The following GSTA3 variants were observed in gnomAD, a reference collection of about 807,000 sequenced individuals.
The protein encoded by GSTA3 is glutathione S-transferase A3.
Under a neutral mutation model 23.1 loss-of-function variants are expected in GSTA3, and 16 were observed. The ratio of observed to expected loss-of-function variants is 0.69; its 90% CI spans 0.47 to 1.05. The LOEUF is 1.05. Ranked by LOEUF, GSTA3 falls within the 50% of genes least tolerant of loss-of-function variation. The pLI is 0.00. For missense variants in GSTA3, 319 were observed against 263.6 expected, an observed-to-expected ratio of 1.21 and a Z score of -1.46; for synonymous variants, 122 against 91.0, an observed-to-expected ratio of 1.34 and a Z score of -1.94.
chr6:52,902,089 C>T (rs1765705774), intron 4 of GSTA3, among the ~76,000 whole-genome samples: 1 of 152,198 alleles, frequency 6.6e-6, no homozygotes, highest in Non-Finnish European at 1.5e-5. Context: ...GTTCATGGTT[C>T]ATCAGTGTTT....
intron 3 of GSTA3, 87 bp from the exon 4 acceptor site, chr6:52,902,565 G>C: frequency 7.5e-7 from 1 of 1,327,864 alleles, no homozygotes; most frequent in South Asian, 1.4e-5. Flanking sequence ...AATGACTGAG[G>C]TTATAAAATG....
At chr6:52,905,680 T>C (rs1765866625) in intron 2 of GSTA3, 68 bp downstream of exon 2, 1 of 919,216 alleles carries the variant, frequency 1.1e-6, no homozygotes, top group Non-Finnish European at 1.8e-6. Context: ...TGGAAGTCTC[T>C]TGGCTTACTA....
Position 52,902,348 on chromosome 6 carries a change from G to C in GSTA3, c.270C>G (p.Ala90=). 6.2e-7 allele frequency: 1 copy of C among 1,613,662 alleles called. No homozygotes were observed. The highest frequency in any genetic ancestry group is 8.5e-7 in the Non-Finnish European group (1 of 1,179,738). Residue 90 remains alanine (A), a splice_region_variant and synonymous_variant, in exon 4 of 7, where the codon GCC becomes GCG. Coordinates refer to ENST00000211122, the MANE Select transcript of GSTA3 (RefSeq NM_000847.5). ...GAAGAACACAAAATATACCGTACAG[G>C]GCTCTCTCCTTTATGTCTTTCCCGT... ...NLYGKDIKER[A]LIDMYTEGMA...
chr6:52,909,294 A>G (rs1765991884), intron 1 of GSTA3, among the ~76,000 whole-genome samples: 1 of 152,220 alleles, frequency 6.6e-6, no homozygotes, highest in Admixed American at 6.5e-5. Flanking sequence ...AATCACAGGA[A>G]TGAATCACAC....
rs143163780 is a variant in GSTA3 at position 52,896,897 on chromosome 6, G to T, written c.578C>A (p.Thr193Lys). 6.2e-7 allele frequency: 1 copy of T among 1,613,952 alleles called. No individual in the cohort carries two copies. The highest frequency in any genetic ancestry group is 2.2e-5 in the East Asian group (1 of 44,882). Reference protein sequence around the residue: ...ALKTRISNLPTVKKFLQPGSP... With the variant: ...ALKTRISNLPKVKKFLQPGSP... ...GCCAGGCTGTAGAAACTTCTTCACCGTGGGCAGGTTGCTGATTCTGGTTTT... is the reference window on the plus strand; with the variant it reads ...GCCAGGCTGTAGAAACTTCTTCACCTTGGGCAGGTTGCTGATTCTGGTTTT... Residue 193 changes from threonine to lysine, a missense_variant, in exon 7 of 7, where the codon ACG becomes AAG. Physicochemically the swap from Thr to Lys is moderately conservative, Grantham distance 78 (BLOSUM62 -1). Transcript: ENST00000211122.
At chr6:52,909,504 T>C (rs1329959978) in intron 1 of GSTA3, 137 bp downstream of exon 1, 1 of 152,196 alleles carries the variant, frequency 6.6e-6, no homozygotes, top group Non-Finnish European at 1.5e-5. Context: ...TAACAAACAA[T>C]GCTTAAATTG....
chr6:52,902,561 T>A (rs934952257), intron 3 of GSTA3, 83 bp from the exon 4 acceptor site: 3 of 1,357,852 alleles, frequency 2.2e-6, no homozygotes, highest in African/African-American at 2.9e-5. Context: ...TTGAAATGAC[T>A]GAGGTTATAA....
intron 6 of GSTA3, 96 bp downstream of exon 6, chr6:52,897,729 G>T (rs1375347470): frequency 4.9e-6 from 7 of 1,414,386 alleles, no homozygotes; most frequent in Non-Finnish European, 7.0e-6. Flanking sequence ...CCTGAAAAAG[G>T]CTGGGGTCAG....
At chr6:52,902,200 G>T in intron 4 of GSTA3, 146 bp downstream of exon 4, 1 of 877,722 alleles carries the variant, frequency 1.1e-6, no homozygotes, top group Non-Finnish European at 1.8e-6. Flanking sequence ...ATCCCCATGG[G>T]ACTCTGCAAT....
At chr6:52,904,317 C>T (rs980241252) in intron 2 of GSTA3, among the ~76,000 whole-genome samples, 2 of 152,214 alleles carry the variant, frequency 1.3e-5, no homozygotes, top group East Asian at 3.9e-4. Flanking sequence ...CACCTCCCCA[C>T]GATCTCACAA....
intron 2 of GSTA3, among the ~76,000 whole-genome samples, chr6:52,904,509 G>A (rs1373436861): frequency 6.6e-6 from 1 of 152,150 alleles, no homozygotes; most frequent in Non-Finnish European, 1.5e-5. Context: ...CCAAGCCCTC[G>A]TGAAGCATTG....
intron 2 of GSTA3, 151 bp from the exon 3 acceptor site, chr6:52,903,878 C>A: frequency 1.7e-6 from 1 of 586,798 alleles, no homozygotes. Context: ...GTCATGGCCG[C>A]TTGGAAATTT....
chr6:52,903,851 G>A, intron 2 of GSTA3, 124 bp from the exon 3 acceptor site: 4 of 644,784 alleles, frequency 6.2e-6, no homozygotes, highest in Non-Finnish European at 1.1e-5. Context: ...GTTTGGCAGG[G>A]GACACAGAAG....
intron 5 of GSTA3, among the ~76,000 whole-genome samples, chr6:52,899,068 CAGGGTAGAGCAGGTAATCGGAATGAGTT>C (rs1561950990): frequency 3.3e-5 from 5 of 151,466 alleles, no homozygotes; most frequent in Admixed American, 2.0e-4. Flanking sequence ...CAGAATGAGT[CAGGGTAGAGCAGGTAATCGGAATGAGTT>C]AGGGTAGAGC....
chr6:52,898,040 C>T, intron 5 of GSTA3, 84 bp from the exon 6 acceptor site: 1 of 1,485,606 alleles, frequency 6.7e-7, no homozygotes, highest in Non-Finnish European at 9.4e-7. Context: ...TCCAGCCTGA[C>T]ATTCCCACCT....
At chr6:52,898,674 T>C (rs993074309) in intron 5 of GSTA3, among the ~76,000 whole-genome samples, 1 of 152,330 alleles carries the variant, frequency 6.6e-6, no homozygotes, top group East Asian at 1.9e-4. Flanking sequence ...TGGGTTGTTA[T>C]ATATAAAGTT....
At chr6:52,898,744 G>A (rs1765554288) in intron 5 of GSTA3, among the ~76,000 whole-genome samples, 1 of 152,114 alleles carries the variant, frequency 6.6e-6, no homozygotes, top group African/African-American at 2.4e-5. Flanking sequence ...TCTCAGCAAG[G>A]CAAGGTACTT....
At chr6:52,899,369 T>C (rs998474661) in intron 5 of GSTA3, among the ~76,000 whole-genome samples, 7 of 152,194 alleles carry the variant, frequency 4.6e-5, no homozygotes, top group Non-Finnish European at 1.0e-4. Flanking sequence ...TGCGCTGTTA[T>C]AATCTGCAAG....
At chr6:52,909,124 C>G (rs943775857) in intron 1 of GSTA3, among the ~76,000 whole-genome samples, 5 of 152,198 alleles carry the variant, frequency 3.3e-5, no homozygotes, top group African/African-American at 1.2e-4. Flanking sequence ...AATTTAGATC[C>G]TGATTGTCAA....
Sources: allele counts gnomAD v4.1 joint callset (sites outside exome capture counted in the v4.1 genomes callset), GRCh38; gene constraint gnomAD v4.1.1; transcripts MANE v1.5; gene names NCBI Gene and HGNC (gene_info 2026-07-23, HGNC 2026-07-21).